Variants in KCNU1 observed in about 807,000 individuals in gnomAD.
KCNU1 encodes potassium channel subfamily U member 1.
KCNU1 carries 93 observed loss-of-function variants against 126.8 expected under a neutral mutation model. That is an observed-to-expected ratio of 0.73 (90% CI 0.62 to 0.87). KCNU1 has a LOEUF of 0.87. Ranked by LOEUF, KCNU1 falls within the 40% of genes least tolerant of loss-of-function variation. KCNU1 has a pLI of 0.00. For missense variants in KCNU1, 1,330 were observed against 1,367.1 expected (o/e 0.97, Z 0.43); for synonymous variants, 523 against 494.2 (o/e 1.06, Z -0.77).
Position 36,808,710 on chromosome 8 carries a change from T to G in KCNU1, c.657-8T>G, listed in dbSNP as rs1260901534. The G allele has an allele frequency of 1.3e-6, 2 of 1,587,376 alleles. No individual in the cohort carries two copies. Among genetic ancestry groups the G allele is most frequent in the African/African-American group, 2.7e-5 (2 of 74,402 alleles). ...AGACCCAACAGCTCTTTGTCTCTCT[T>G]CCTCTAGTAACTCAGTGAAGTTTTC... On this transcript the variant is annotated splice_region_variant and splice_polypyrimidine_tract_variant and intron_variant, in intron 6 of 26. Transcript: ENST00000399881.
chr8:36,861,176 A>G (rs1041590178), intron 18 of KCNU1, among the ~76,000 whole-genome samples: 4 of 152,320 alleles, frequency 2.6e-5, no homozygotes, highest in East Asian at 1.9e-4. Flanking sequence ...TCAGGACCAC[A>G]TGTCCACCAA....
intron 19 of KCNU1, among the ~76,000 whole-genome samples, chr8:36,875,297 G>A (rs886540382): frequency 1.3e-5 from 2 of 150,588 alleles, no homozygotes; most frequent in Non-Finnish European, 1.5e-5. Context: ...GTATGTGTGT[G>A]TATGTATATA....
At chr8:36,882,847 T>G (rs1423494964) in intron 19 of KCNU1, among the ~76,000 whole-genome samples, 1 of 152,178 alleles carries the variant, frequency 6.6e-6, no homozygotes, top group Non-Finnish European at 1.5e-5. Context: ...CCTCCCAAAC[T>G]GCTGGGATTA....
At position 36,805,192 on chromosome 8, in the gene KCNU1, C is replaced by T; in HGVS notation, c.378-3C>T. ...TCACAAACTGTCCTTCTTTCTTTTC[C>T]AGCCCTGTTGGAAGCTGTTCATCAT... On this transcript the variant is annotated splice_region_variant and splice_polypyrimidine_tract_variant and intron_variant, in intron 3 of 26. Coordinates refer to ENST00000399881, the MANE Select transcript of KCNU1 (RefSeq NM_001031836.3). The T allele has an allele frequency of 7.5e-6, 12 of 1,603,718 alleles. No individual in the cohort carries two copies. Among genetic ancestry groups the T allele is most frequent in the Non-Finnish European group, 1.0e-5 (12 of 1,172,542 alleles).
chr8:36,791,902 A>G (rs1253779323), intron 2 of KCNU1, among the ~76,000 whole-genome samples: 3 of 152,066 alleles, frequency 2.0e-5, no homozygotes, highest in Non-Finnish European at 4.4e-5. Flanking sequence ...TCCTTATTCC[A>G]TATTTTATAT....
At chr8:36,864,552 T>C (rs371336322) in intron 19 of KCNU1, 31 bp downstream of exon 19, 37 of 1,325,938 alleles carry the variant, frequency 2.8e-5, no homozygotes, top group Non-Finnish European at 3.8e-5. Context: ...TGGTCTCCTA[T>C]AGTTTTTTTG....
chr8:36,840,899 G>A, intron 15 of KCNU1, 33 bp from the exon 16 acceptor site: 1 of 1,487,796 alleles, frequency 6.7e-7, no homozygotes, highest in Non-Finnish European at 9.4e-7. Context: ...CTGACCGCTT[G>A]CTCTCCTTTT....
At chr8:36,875,325 T>G (rs1806240892) in intron 19 of KCNU1, among the ~76,000 whole-genome samples, 1 of 150,246 alleles carries the variant, frequency 6.7e-6, no homozygotes, top group South Asian at 2.1e-4. Context: ...ATGTATGACT[T>G]ATTTATACAT....
chr8:36,860,808 CAGTT>C (rs930651739), intron 18 of KCNU1, among the ~76,000 whole-genome samples: 5 of 151,532 alleles, frequency 3.3e-5, no homozygotes, highest in African/African-American at 1.2e-4. Flanking sequence ...GGTGCAAAAA[CAGTT>C]AGGGACAGGA....
chr8:36,824,818 A>G (rs913496194), intron 10 of KCNU1, among the ~76,000 whole-genome samples: 18 of 152,276 alleles, frequency 1.2e-4, no homozygotes, highest in African/African-American at 3.8e-4. Context: ...AAATAGTTGT[A>G]TAATACTTAT....
chr8:36,787,330 G>T lies in KCNU1; in HGVS notation c.220G>T (p.Ala74Ser), dbSNP rs775251836. ...ILELFTSGTIARSHVRSLHFQ... is the reference protein window; with the variant it reads ...ILELFTSGTISRSHVRSLHFQ... ...GGAACTGTTCACATCAGGTACCATC[G>T]CTAGGAGCCATGTAAGAAGCCTCCA... is the stretch of plus-strand genomic sequence containing the variant. Residue 74 changes from alanine to serine, a missense_variant, in exon 2 of 27, where the codon GCT (alanine) becomes TCT (serine). Physicochemically the swap from Ala to Ser is moderately conservative, Grantham distance 99 (BLOSUM62 1). Around this residue, in one of 3 missense-constraint regions of KCNU1, gnomAD observed 247 missense variants for 255.4 expected, o/e 0.97. Transcript: ENST00000399881. 5 of 1,611,226 alleles carry T rather than the reference G, an allele frequency of 3.1e-6. No individual in the cohort carries two copies. The South Asian group carries it at 4.4e-5, about 14-fold the overall frequency.
chr8:36,828,737 A>G (rs1360763357), intron 10 of KCNU1, among the ~76,000 whole-genome samples: 1 of 152,044 alleles, frequency 6.6e-6, no homozygotes, highest in African/African-American at 2.4e-5. Flanking sequence ...GACACATGAA[A>G]TAGTGTTTCT....
intron 18 of KCNU1, among the ~76,000 whole-genome samples, chr8:36,854,757 T>C (rs1805473592): frequency 6.6e-6 from 1 of 152,166 alleles, no homozygotes; most frequent in East Asian, 1.9e-4. Context: ...GAGAGCCTTT[T>C]TCCTATGTAT....
intron 19 of KCNU1, among the ~76,000 whole-genome samples, chr8:36,880,905 A>G (rs1226902757): frequency 6.6e-6 from 1 of 152,188 alleles, no homozygotes; most frequent in African/African-American, 2.4e-5. Flanking sequence ...TGAGTGACTA[A>G]TACTGCAAAC....
At chr8:36,922,731 G>A (rs1451516135) in intron 24 of KCNU1, 102 bp downstream of exon 24, 5 of 1,216,550 alleles carry the variant, frequency 4.1e-6, no homozygotes, top group African/African-American at 3.1e-5. Context: ...ACAGTTCTAA[G>A]TTCTCTTTGA....
chr8:36,853,632 A>AT (rs1454661614), intron 18 of KCNU1, among the ~76,000 whole-genome samples: 2 of 152,150 alleles, frequency 1.3e-5, no homozygotes, highest in African/African-American at 4.8e-5. Context: ...TGTATGACAA[A>AT]TTCTTATAGT....
At chr8:36,905,832 A>C in intron 20 of KCNU1, 28 bp downstream of exon 20, 138 of 1,072,436 alleles carry the variant, frequency 1.3e-4, no homozygotes, top group Non-Finnish European at 1.8e-4. Flanking sequence ...ATCAAATCTC[A>C]AATAAGATAA....
Position 36,831,464 on chromosome 8 carries a change from A to G in KCNU1, c.1107-2090A>G, listed in dbSNP as rs1046431740. On this transcript the variant is annotated intron_variant, in intron 10 of 26. Coordinates refer to ENST00000399881, the MANE Select transcript of KCNU1 (RefSeq NM_001031836.3). The stretch of plus-strand genomic sequence containing the variant: ...ATGATTGCCATTCTAACTGCTGTGA[A>G]ATGGTATCTCATTGTGGTTTGGATT... Among the ~76,000 whole-genome samples, 5 of 152,278 alleles carry G rather than the reference A, an allele frequency of 3.3e-5. No individual in the cohort carries two copies. The South Asian group carries it at 6.2e-4, about 19-fold the overall frequency.
At chr8:36,839,784 T>C (rs765215979) in intron 14 of KCNU1, among the ~76,000 whole-genome samples, 5 of 152,214 alleles carry the variant, frequency 3.3e-5, no homozygotes, top group Non-Finnish European at 5.9e-5. Context: ...GTGATTCTCA[T>C]GGCAGTAGGT....
Sources: allele counts gnomAD v4.1 joint callset (sites outside exome capture counted in the v4.1 genomes callset), GRCh38; gene constraint gnomAD v4.1.1; regional missense constraint gnomAD v4.1.1; transcripts MANE v1.5; gene names NCBI Gene and HGNC (gene_info 2026-07-23, HGNC 2026-07-21).